Variants in ERC1 observed in about 807,000 individuals in gnomAD.
ERC1 encodes the protein ELKS/RAB6-interacting/CAST family member 1, also known as RAB6 interacting protein 2.
In ERC1, 56 loss-of-function variants were observed where a neutral mutation model predicts 132.0. The observed-to-expected ratio is 0.42, with a 90% CI of 0.34 to 0.53. The LOEUF (loss-of-function observed/expected upper bound fraction) is 0.53. Among genes scored for constraint, ERC1 ranks in the 20% least tolerant of loss-of-function variants. The pLI, the probability that ERC1 is intolerant of heterozygous loss-of-function variation, is 0.03. For missense variants in ERC1, 1,202 were observed against 1,349.9 expected, an observed-to-expected ratio of 0.89 and a Z score of 1.72; for synonymous variants, 478 against 476.1, an observed-to-expected ratio of 1.00 and a Z score of -0.05.
intron 18 of ERC1, among the ~76,000 whole-genome samples, chr12:1,480,301 T>G (rs781028519): frequency 6.6e-6 from 1 of 152,176 alleles, no homozygotes; most frequent in Non-Finnish European, 1.5e-5. Flanking sequence ...TTTCGATGTT[T>G]TGTTATTGTT....
intron 7 of ERC1, among the ~76,000 whole-genome samples, chr12:1,126,035 G>A (rs190115351): frequency 2.3e-4 from 35 of 152,308 alleles, no homozygotes; most frequent in Admixed American, 9.8e-4. Flanking sequence ...TTTGTAAGGT[G>A]AAATGAGTTC....
rs1165604825 is a variant in ERC1, at chr12:1,492,552, GTGTC to G, written c.*2323_*2326del. The G allele has an allele frequency of 4.3e-6, 1 of 233,174 alleles. No individual in the cohort carries two copies. Among genetic ancestry groups the G allele is most frequent in the Non-Finnish European group, 8.5e-6 (1 of 118,072 alleles). 14.4% of individuals were successfully genotyped at this position (233,174 alleles called of 1,614,324 possible). ...CGCCTGCCACTCTCAGCCACTGGGTGTGTCACTCTCCTCTTCATCTCAGCATTCT... is the reference window on the plus strand; with the variant it reads ...CGCCTGCCACTCTCAGCCACTGGGTGACTCTCCTCTTCATCTCAGCATTCT... On this transcript the variant is annotated 3_prime_UTR_variant, in exon 19 of 19. Coordinates refer to ENST00000360905, the MANE Select transcript of ERC1 (RefSeq NM_178040.4).
chr12:1,108,677 T>C (rs1385232937), intron 4 of ERC1, among the ~76,000 whole-genome samples: 1 of 152,164 alleles, frequency 6.6e-6, no homozygotes, highest in African/African-American at 2.4e-5. Flanking sequence ...TCCACATGAG[T>C]AAATAAAAAT....
intron 4 of ERC1, among the ~76,000 whole-genome samples, chr12:1,107,207 T>TTTTG (rs953788823): frequency 5.9e-5 from 9 of 152,176 alleles, no homozygotes; most frequent in South Asian, 2.1e-4. Context: ...TCTACTATTT[T>TTTTG]TTTGTTTGTT....
At chr12:1,061,727 A>G (rs1937964041) in intron 2 of ERC1, among the ~76,000 whole-genome samples, 2 of 149,402 alleles carry the variant, frequency 1.3e-5, no homozygotes, top group Non-Finnish European at 3.0e-5. Context: ...CCATATCTCC[A>G]TATCTCCATC....
chr12:1,130,723 G>A lies in ERC1; in HGVS notation c.1570-10897G>A, dbSNP rs578244586. Among the ~76,000 whole-genome samples, 4 of 85,546 alleles carry A rather than the reference G, an allele frequency of 4.7e-5. No homozygotes were observed. The South Asian group carries it at 2.1e-3, about 45-fold the overall frequency. 56.1% of individuals were successfully genotyped at this position (85,546 alleles called of 152,430 possible). ...AGCTTTTCATCTTTTTGTCAAGTAT[G>A]GGGTATCAAACAGAGCACAATTGCA... On this transcript the variant is annotated intron_variant, in intron 7 of 18. Transcript: ENST00000360905.
intron 13 of ERC1, among the ~76,000 whole-genome samples, chr12:1,250,498 A>G (rs939601160): frequency 2.6e-5 from 4 of 152,214 alleles, no homozygotes; most frequent in Non-Finnish European, 4.4e-5. Context: ...TTTTTCTTAA[A>G]CACTGTTTTG....
chr12:1,160,844 C>T (rs1174242376), intron 8 of ERC1, among the ~76,000 whole-genome samples: 1 of 152,164 alleles, frequency 6.6e-6, no homozygotes, highest in Middle Eastern at 3.2e-3. Flanking sequence ...AATGCTCCTG[C>T]CTTGGCCTCC....
intron 8 of ERC1, among the ~76,000 whole-genome samples, chr12:1,150,526 A>G (rs996494829): frequency 6.6e-6 from 1 of 152,156 alleles, no homozygotes; most frequent in African/African-American, 2.4e-5. Flanking sequence ...TTGAATCATG[A>G]TATTTCAGGC....
intron 3 of ERC1, among the ~76,000 whole-genome samples, chr12:1,101,279 G>C (rs1944627693): frequency 6.6e-6 from 1 of 152,164 alleles, no homozygotes; most frequent in East Asian, 1.9e-4. Flanking sequence ...GAGGACTAGA[G>C]AACTGGGCTC....
At chr12:1,401,803 ATC>A (rs2091093018) in intron 16 of ERC1, among the ~76,000 whole-genome samples, 1 of 152,188 alleles carries the variant, frequency 6.6e-6, no homozygotes, top group African/African-American at 2.4e-5. Context: ...TTACCAAATA[ATC>A]AATAAATCTA....
chr12:1,235,652 C>G (rs143545300), intron 12 of ERC1, among the ~76,000 whole-genome samples: 159 of 151,718 alleles, frequency 1.0e-3, no homozygotes, highest in Middle Eastern at 6.8e-3. Context: ...TTTTTTCTAC[C>G]CTATTGGAAA....
At chr12:1,473,706 C>T (rs1033883225) in intron 18 of ERC1, among the ~76,000 whole-genome samples, 2 of 151,784 alleles carry the variant, frequency 1.3e-5, no homozygotes, top group Non-Finnish European at 2.9e-5. Context: ...TTACCACTTC[C>T]GGCCCACTTG....
At chr12:1,477,204 A>G (rs967891068) in intron 18 of ERC1, among the ~76,000 whole-genome samples, 4 of 152,224 alleles carry the variant, frequency 2.6e-5, no homozygotes, top group Non-Finnish European at 5.9e-5. Flanking sequence ...CTGTGATTAA[A>G]AAAAAATTTA....
intron 11 of ERC1, among the ~76,000 whole-genome samples, chr12:1,186,338 C>T (rs951856281): frequency 1.3e-5 from 2 of 152,124 alleles, no homozygotes; most frequent in African/African-American, 4.8e-5. Flanking sequence ...TGTAATCTTA[C>T]GTGTTTTACT....
At chr12:1,400,916 A>ATTATTATTATTTTTTTTTTTTTTTTTT (rs2090981093) in intron 16 of ERC1, among the ~76,000 whole-genome samples, 2 of 15,060 alleles carry the variant, frequency 1.3e-4, no homozygotes, top group African/African-American at 6.2e-4. Flanking sequence ...CTATTTTTGT[A>ATTATTATTATTTTTTTTTTTTTTTTTT]TTTTTTTTTT....
chr12:1,255,568 A>G (rs2076744291), intron 13 of ERC1, among the ~76,000 whole-genome samples: 1 of 148,872 alleles, frequency 6.7e-6, no homozygotes, highest in Non-Finnish European at 1.5e-5. Flanking sequence ...CACCAACAGT[A>G]TAAAAGCATT....
chr12:1,236,650 A>G (rs574665438), intron 12 of ERC1, 119 bp from the exon 13 acceptor site: 1 of 975,236 alleles, frequency 1.0e-6, no homozygotes, highest in Non-Finnish European at 1.5e-6. Context: ...ATTTCGCAGC[A>G]TGTATTTATT....
intron 2 of ERC1, among the ~76,000 whole-genome samples, chr12:1,037,879 C>T (rs1969387432): frequency 6.6e-6 from 1 of 151,712 alleles, no homozygotes; most frequent in Non-Finnish European, 1.5e-5. Context: ...CCTGTCTCTA[C>T]TAAAAATGCA....
Sources: gnomAD v4.1 joint callset for allele counts (sites outside exome capture counted in the v4.1 genomes callset) on GRCh38, gnomAD v4.1.1 for gene constraint, MANE v1.5 for transcripts, NCBI Gene and HGNC (gene_info 2026-07-23, HGNC 2026-07-21) for gene names.